CACNA1E: variants seen among roughly 807,000 people sequenced by gnomAD.
The protein encoded by CACNA1E is calcium voltage-gated channel subunit alpha1 E, also known as voltage-dependent R-type calcium channel subunit alpha-1E.
A neutral mutation model predicts 259.2 loss-of-function variants in CACNA1E; 40 were observed. That is an observed-to-expected ratio of 0.15 (90% confidence interval 0.12 to 0.20). The LOEUF (loss-of-function observed/expected upper bound fraction) is 0.20, where lower values mean the gene tolerates loss of function less well. Among genes scored for constraint, CACNA1E ranks in the 10% least tolerant of loss-of-function variants. The pLI, the probability that CACNA1E is intolerant of heterozygous loss-of-function variation, is 1.00. For missense variants in CACNA1E, 1,874 were observed against 3,040.1 expected (o/e 0.62, Z 9.02); for synonymous variants, 1,104 against 1,138.5 (o/e 0.97, Z 0.61).
intron 19 of CACNA1E, among the ~76,000 whole-genome samples, chr1:181,731,803 T>G (rs905870183): frequency 1.3e-5 from 2 of 152,000 alleles, no homozygotes; most frequent in Non-Finnish European, 2.9e-5. Flanking sequence ...TTCTCTGGCT[T>G]TTATTAGCTA....
chr1:181,346,020 G>A (rs554178793), intron 1 of CACNA1E, among the ~76,000 whole-genome samples: 51 of 152,330 alleles, frequency 3.3e-4, no homozygotes, highest in African/African-American at 7.2e-4. Context: ...CCAACCGGAC[G>A]TGCAAGATTG....
chr1:181,384,182 T>C (rs910789313), intron 1 of CACNA1E, among the ~76,000 whole-genome samples: 2 of 152,224 alleles, frequency 1.3e-5, no homozygotes, highest in African/African-American at 4.8e-5. Flanking sequence ...TTACCTGCAC[T>C]GCGCAGTGAA....
intron 42 of CACNA1E, 55 bp downstream of exon 42, chr1:181,785,473 G>A (rs1030559259): frequency 8.1e-7 from 1 of 1,229,096 alleles, no homozygotes; most frequent in African/African-American, 1.5e-5. Flanking sequence ...TTGCAGGAGG[G>A]AATAGGCCTG....
intron 29 of CACNA1E, 32 bp downstream of exon 29, chr1:181,756,125 G>A: frequency 6.3e-7 from 1 of 1,586,306 alleles, no homozygotes; most frequent in East Asian, 2.3e-5. Flanking sequence ...CTTGTCTGTG[G>A]CTGTGATAGG....
intron 1 of CACNA1E, among the ~76,000 whole-genome samples, chr1:181,377,857 G>A (rs1655202577): frequency 6.6e-6 from 1 of 152,172 alleles, no homozygotes; most frequent in Non-Finnish European, 1.5e-5. Context: ...TTTGTACTCA[G>A]GCAGTCTGGC....
intron 1 of CACNA1E, among the ~76,000 whole-genome samples, chr1:181,392,705 G>T (rs1297182935): frequency 6.6e-6 from 1 of 152,110 alleles, no homozygotes; most frequent in South Asian, 2.1e-4. Flanking sequence ...ACCCCAAAAG[G>T]GTGCTTTAGA....
intron 2 of CACNA1E, among the ~76,000 whole-genome samples, chr1:181,447,494 G>T (rs1660865408): frequency 6.6e-6 from 1 of 151,024 alleles, no homozygotes; most frequent in South Asian, 2.1e-4. Flanking sequence ...TTGCACCTCT[G>T]TACTCCAACT....
At chr1:181,530,140 A>G (rs1428898593) in intron 3 of CACNA1E, among the ~76,000 whole-genome samples, 1 of 152,224 alleles carries the variant, frequency 6.6e-6, no homozygotes, top group Non-Finnish European at 1.5e-5. Context: ...ATGATAGTGA[A>G]TAAATCTCAC....
chr1:181,752,378 C>A, intron 27 of CACNA1E, 139 bp downstream of exon 27: 1 of 665,256 alleles, frequency 1.5e-6, no homozygotes, highest in East Asian at 2.7e-5. Flanking sequence ...TTTCATCTGC[C>A]TGAGCTAAAG....
intron 1 of CACNA1E, among the ~76,000 whole-genome samples, chr1:181,340,047 A>T (rs531810252): frequency 3.7e-4 from 50 of 135,356 alleles, no homozygotes; most frequent in African/African-American, 1.2e-3. Context: ...CAAACACAAA[A>T]ATTATACTTT....
intron 1 of CACNA1E, among the ~76,000 whole-genome samples, chr1:181,486,392 G>A (rs909122019): frequency 6.6e-6 from 1 of 152,242 alleles, no homozygotes; most frequent in Non-Finnish European, 1.5e-5. Context: ...CATGTACAAT[G>A]TAATTGACTA....
chr1:181,361,556 A>ACCTTT (rs1653886991), intron 1 of CACNA1E, among the ~76,000 whole-genome samples: 2 of 152,152 alleles, frequency 1.3e-5, no homozygotes, highest in Admixed American at 6.5e-5. Context: ...GGCAGAGGCA[A>ACCTTT]CATGAAAAGG....
At chr1:181,615,945 A>G (rs1288628365) in intron 6 of CACNA1E, among the ~76,000 whole-genome samples, 2 of 152,250 alleles carry the variant, frequency 1.3e-5, no homozygotes, top group African/African-American at 4.8e-5. Context: ...TTTAATAAAC[A>G]CAAGTTGAAC....
chr1:181,504,418 G>A (rs74130010), intron 1 of CACNA1E, among the ~76,000 whole-genome samples: 4,358 of 152,272 alleles, frequency 0.029, 213 homozygotes, highest in African/African-American at 0.099. Flanking sequence ...CTTAGTGTTC[G>A]GATGTCATAG....
In CACNA1E at chr1:181,750,422, T is replaced by C. The variant is rs1015122087; in HGVS notation, c.3720-54T>C. ...TCTTCTCTCTACCCCAACCCCATTT[T>C]TTTGTTTTGTTTTATTTTGATTTTC... On this transcript the variant is annotated intron_variant, in intron 25 of 47. Transcript: ENST00000367573. 6 of 1,574,348 alleles carry C rather than the reference T, an allele frequency of 3.8e-6. No individual in the cohort carries two copies. The Admixed American group carries it at 8.4e-5, about 22-fold the overall frequency.
intron 7 of CACNA1E, among the ~76,000 whole-genome samples, chr1:181,662,225 G>A (rs1374267902): frequency 6.6e-6 from 1 of 152,168 alleles, no homozygotes; most frequent in Non-Finnish European, 1.5e-5. Flanking sequence ...GTATCTTAGG[G>A]TGAGATAAAA....
chr1:181,331,482 C>T (rs1013192941), intron 1 of CACNA1E, among the ~76,000 whole-genome samples: 2 of 152,224 alleles, frequency 1.3e-5, no homozygotes, highest in African/African-American at 4.8e-5. Context: ...GAGTGTATCC[C>T]AGCTCCAGGA....
intron 7 of CACNA1E, among the ~76,000 whole-genome samples, chr1:181,664,521 T>C (rs898112055): frequency 1.3e-5 from 2 of 152,232 alleles, no homozygotes; most frequent in Non-Finnish European, 1.5e-5. Flanking sequence ...GAAATTGCCC[T>C]GTATTGATAA....
chr1:181,763,808 C>A (rs1165979784), intron 34 of CACNA1E, among the ~76,000 whole-genome samples: 1 of 152,180 alleles, frequency 6.6e-6, no homozygotes, highest in Admixed American at 6.5e-5. Flanking sequence ...GCAGGGGACA[C>A]ATTTTATAAG....
Sources: gnomAD v4.1 joint callset for allele counts (sites outside exome capture counted in the v4.1 genomes callset) on GRCh38, gnomAD v4.1.1 for gene constraint, MANE v1.5 for transcripts, NCBI Gene and HGNC (gene_info 2026-07-23, HGNC 2026-07-21) for gene names.